GRIK4: variants seen among roughly 807,000 people sequenced by gnomAD.
GRIK4 encodes glutamate ionotropic receptor kainate type subunit 4.
A neutral mutation model predicts 104.9 loss-of-function variants in GRIK4; 40 were observed. That is an observed-to-expected ratio of 0.38 (90% confidence interval 0.30 to 0.50). The LOEUF is 0.50. GRIK4 is among the 20% of genes least tolerant of loss of function. GRIK4 has a pLI of 0.93. For synonymous variants in GRIK4, 485 were observed against 524.9 expected (o/e 0.92, Z 1.04); for missense variants, 1,047 against 1,308.1 (o/e 0.80, Z 3.08).
chr11:120,929,463 G>T (rs1943433682), intron 13 of GRIK4, among the ~76,000 whole-genome samples: 1 of 152,128 alleles, frequency 6.6e-6, no homozygotes, highest in African/African-American at 2.4e-5. Context: ...CGGGTGGGAG[G>T]GAGAAAGCCG....
intron 3 of GRIK4, among the ~76,000 whole-genome samples, chr11:120,799,449 A>G (rs962071138): frequency 6.6e-6 from 1 of 152,216 alleles, no homozygotes; most frequent in African/African-American, 2.4e-5. Context: ...TGGAAGCCTC[A>G]TGCACGCTCC....
intron 2 of GRIK4, 146 bp from the exon 3 acceptor site, chr11:120,660,123 A>C (rs1450534676): frequency 6.8e-6 from 4 of 587,124 alleles, no homozygotes; most frequent in Middle Eastern, 4.2e-4. Context: ...CACAGAGCTG[A>C]AGTTAGAACC....
intron 19 of GRIK4, among the ~76,000 whole-genome samples, chr11:120,973,163 G>A (rs1172284564): frequency 1.3e-5 from 2 of 152,184 alleles, no homozygotes; most frequent in African/African-American, 4.8e-5. Context: ...GTTGGAGGTG[G>A]AATAGAAATA....
At chr11:120,802,628 GAGA>G in intron 3 of GRIK4, 62 bp from the exon 4 acceptor site, 4 of 1,392,222 alleles carry the variant, frequency 2.9e-6, no homozygotes, top group Non-Finnish European at 4.1e-6. Flanking sequence ...GGGGAGGCTG[GAGA>G]AGGAGGAGGG....
intron 3 of GRIK4, among the ~76,000 whole-genome samples, chr11:120,690,743 C>A (rs1030156638): frequency 4.6e-5 from 7 of 152,228 alleles, no homozygotes. Context: ...TGTTCCTTAC[C>A]CTCCTCACCA....
chr11:120,724,275 A>G (rs993904784), intron 3 of GRIK4, among the ~76,000 whole-genome samples: 4 of 152,192 alleles, frequency 2.6e-5, no homozygotes, highest in Admixed American at 2.0e-4. Context: ...CAGCCTTCCA[A>G]GTAACTGGGA....
chr11:120,831,769 C>A, intron 6 of GRIK4, 83 bp from the exon 7 acceptor site: 1 of 1,060,408 alleles, frequency 9.4e-7, no homozygotes, highest in Non-Finnish European at 1.4e-6. Context: ...CAGCCCACAT[C>A]TCCGTGCCTT....
intron 11 of GRIK4, among the ~76,000 whole-genome samples, chr11:120,878,342 G>A (rs563905225): frequency 6.6e-5 from 10 of 152,238 alleles, no homozygotes; most frequent in African/African-American, 2.2e-4. Context: ...AACCAGCTCC[G>A]AGATAGATGA....
intron 20 of GRIK4, among the ~76,000 whole-genome samples, chr11:120,983,489 C>G (rs1242140963): frequency 6.6e-6 from 1 of 152,150 alleles, no homozygotes; most frequent in Admixed American, 6.5e-5. Context: ...TTGGTGTGTC[C>G]CTTGATGATG....
intron 3 of GRIK4, among the ~76,000 whole-genome samples, chr11:120,774,278 G>T (rs1411801396): frequency 1.3e-5 from 2 of 152,136 alleles, no homozygotes; most frequent in African/African-American, 4.8e-5. Flanking sequence ...TGGCTTTAGG[G>T]TTAGAGAGCT....
At chr11:120,528,127 CTATTTTT>C (rs367712271) in intron 1 of GRIK4, among the ~76,000 whole-genome samples, 9 of 152,296 alleles carry the variant, frequency 5.9e-5, no homozygotes, top group African/African-American at 1.4e-4. Flanking sequence ...CAATGCTCAG[CTATTTTT>C]TATTTTTTAT....
intron 1 of GRIK4, among the ~76,000 whole-genome samples, chr11:120,559,223 TCCATGGTTCC>T (rs1948215681): frequency 6.6e-6 from 1 of 152,140 alleles, no homozygotes; most frequent in Non-Finnish European, 1.5e-5. Flanking sequence ...GGAAGTGAGA[TCCATGGTTCC>T]CCAGGACTAG....
intron 8 of GRIK4, among the ~76,000 whole-genome samples, chr11:120,847,745 G>T (rs529123228): frequency 6.6e-6 from 1 of 152,308 alleles, no homozygotes; most frequent in South Asian, 2.1e-4. Flanking sequence ...GTAAGGCAGG[G>T]GAAGAGGAAA....
chr11:120,802,151 A>G (rs1952631491), intron 3 of GRIK4, among the ~76,000 whole-genome samples: 1 of 152,244 alleles, frequency 6.6e-6, no homozygotes, highest in South Asian at 2.1e-4. Flanking sequence ...AGAGAAACTA[A>G]GTAGCTCACT....
chr11:120,734,245 A>C (rs1951186525), intron 3 of GRIK4, among the ~76,000 whole-genome samples: 1 of 152,110 alleles, frequency 6.6e-6, no homozygotes, highest in Non-Finnish European at 1.5e-5. Flanking sequence ...GAAATCTCTC[A>C]GCTTTTGTTT....
intron 3 of GRIK4, among the ~76,000 whole-genome samples, chr11:120,665,185 ATCTAAT>A (rs1591783907): frequency 6.6e-6 from 1 of 152,166 alleles, no homozygotes; most frequent in East Asian, 1.9e-4. Flanking sequence ...TATTAAATAC[ATCTAAT>A]CCACCGAGAT....
intron 1 of GRIK4, among the ~76,000 whole-genome samples, chr11:120,556,740 C>A (rs548991671): frequency 6.6e-6 from 1 of 152,290 alleles, no homozygotes; most frequent in Non-Finnish European, 1.5e-5. Flanking sequence ...ACAAGAGGAA[C>A]ACGTTTTTAA....
At chr11:120,824,948 G>A (rs576608486) in intron 6 of GRIK4, among the ~76,000 whole-genome samples, 2 of 151,362 alleles carry the variant, frequency 1.3e-5, no homozygotes, top group Non-Finnish European at 2.9e-5. Flanking sequence ...TTTTTGAGAC[G>A]GAGTCTTGCT....
At position 120,967,367 on chromosome 11, in the gene GRIK4, A is replaced by G; in HGVS notation, c.2395+44A>G. On this transcript the variant is annotated intron_variant, in intron 19 of 20. Transcript: ENST00000527524. This position sits in a 1 kb window ranked among gnomAD's most constrained non-coding sequence, Gnocchi z 4.2. ...ATCCTCCTCCTGCCCTAGAGGACCA[A>G]AGTAGCTTGTTTCTCGTGTTCAAAT... 6.4e-7 allele frequency: 1 copy of G among 1,567,450 alleles called. No individual in the cohort carries two copies. The highest frequency in any genetic ancestry group is 8.7e-7 in the Non-Finnish European group (1 of 1,156,062).
Sources: allele counts gnomAD v4.1 joint callset (sites outside exome capture counted in the v4.1 genomes callset), GRCh38; gene constraint gnomAD v4.1.1; non-coding constraint Gnocchi (gnomAD v3.1); transcripts MANE v1.5; gene names NCBI Gene and HGNC (gene_info 2026-07-23, HGNC 2026-07-21).